ACTN4: variants seen among roughly 807,000 people sequenced by gnomAD.
The protein encoded by ACTN4 is actinin alpha 4.
Under a neutral mutation model 114.2 loss-of-function variants are expected in ACTN4, and 18 were observed. That is an observed-to-expected ratio of 0.16 (90% confidence interval 0.11 to 0.23). The LOEUF (loss-of-function observed/expected upper bound fraction) is 0.23, where lower values mean the gene tolerates loss of function less well. ACTN4 is among the 10% of genes least tolerant of loss of function. The pLI is 1.00. For missense variants in ACTN4, 722 were observed against 1,262.9 expected, an observed-to-expected ratio of 0.57 and a Z score of 6.49; for synonymous variants, 515 against 506.3, an observed-to-expected ratio of 1.02 and a Z score of -0.23.
chr19:38,648,122 G>T (rs998329897), intron 1 of ACTN4: 1 of 521,048 alleles, frequency 1.9e-6, no homozygotes, highest in Non-Finnish European at 3.2e-6. Context: ...TGGCGGCTGG[G>T]TGGGGAATAT....
At chr19:38,723,558 A>G in intron 12 of ACTN4, 56 bp from the exon 13 acceptor site, 1 of 1,348,850 alleles carries the variant, frequency 7.4e-7, no homozygotes, top group Non-Finnish European at 1.0e-6. Flanking sequence ...AGATGGGTCC[A>G]ATCCATCTAG....
chr19:38,724,092 GC>G lies in ACTN4; in HGVS notation c.1692+21del. The G allele has an allele frequency of 1.2e-6, 2 of 1,613,482 alleles. No individual in the cohort carries two copies. The highest frequency in any genetic ancestry group is 1.7e-6 in the Non-Finnish European group (2 of 1,179,976). On this transcript the variant is annotated intron_variant, in intron 14 of 20. Transcript: ENST00000252699. This position sits in a 1 kb window ranked among gnomAD's most constrained non-coding sequence, Gnocchi z 7.0. ...AGGAGATTGAGGTTCGCACCCCCCG[GC>G]CCCCCATCTTCCCAAGAGCCTCTGT...
intron 4 of ACTN4, 70 bp downstream of exon 4, chr19:38,705,090 A>G (rs1355484290): frequency 7.2e-7 from 1 of 1,383,776 alleles, no homozygotes; most frequent in Non-Finnish European, 1.0e-6. Context: ...CTGAAGTGTG[A>G]TCTTCATGCT....
rs954957025 is a variant in ACTN4, at chr19:38,729,937, C to T, written c.*505C>T. 6 of 336,444 alleles carry T rather than the reference C, an allele frequency of 1.8e-5. No individual in the cohort carries two copies. Among genetic ancestry groups the T allele is most frequent in the Non-Finnish European group, 3.5e-5 (6 of 171,542 alleles). The allele number at this position is 336,444 out of a possible 1,614,324, so 20.8% of individuals were successfully genotyped here. A position where few individuals can be genotyped will look rare whatever the true frequency, so the allele number is the denominator to read the frequency against. ...CCCTCTCCCCTCTCTGCTCCAGACT[C>T]ACTTGCCATTGCCAGGAGATGGCCC... On this transcript the variant is annotated 3_prime_UTR_variant, in exon 21 of 21. Coordinates refer to ENST00000252699, the MANE Select transcript of ACTN4 (RefSeq NM_004924.6).
intron 6 of ACTN4, 151 bp from the exon 7 acceptor site, chr19:38,709,244 C>G (rs998206058): frequency 2.8e-6 from 2 of 719,156 alleles, no homozygotes; most frequent in East Asian, 2.6e-5. Flanking sequence ...GGTGCCCTCC[C>G]GCTCACACAT....
chr19:38,707,660 G>A (rs1968506135), intron 5 of ACTN4, among the ~76,000 whole-genome samples: 1 of 152,164 alleles, frequency 6.6e-6, no homozygotes, highest in African/African-American at 2.4e-5. Flanking sequence ...CCGCCAGGGT[G>A]TGGAGGCCAC....
At chr19:38,653,237 A>G (rs1199866242) in intron 1 of ACTN4, among the ~76,000 whole-genome samples, 1 of 152,160 alleles carries the variant, frequency 6.6e-6, no homozygotes, top group East Asian at 1.9e-4. Flanking sequence ...AACTGAGTGT[A>G]GCACAAGTTA....
Position 38,678,103 on chromosome 19 carries a change from A to G in ACTN4, c.163-22497A>G, listed in dbSNP as rs1007638297. Among the ~76,000 whole-genome samples, 5 of 152,238 alleles carry G rather than the reference A, an allele frequency of 3.3e-5. No homozygotes were observed. In the South Asian group the frequency reaches 6.2e-4, roughly 19 times the overall value. On this transcript the variant is annotated intron_variant, in intron 1 of 20. Transcript: ENST00000252699. ...GAGAGGTGGGAAAATCATCGTTAGCACAGGATAATTCATCCTATTTTGTGC... is the reference window on the plus strand; with the variant it reads ...GAGAGGTGGGAAAATCATCGTTAGCGCAGGATAATTCATCCTATTTTGTGC...
intron 2 of ACTN4, 51 bp from the exon 3 acceptor site, chr19:38,700,951 C>CCTTTCTCT (rs1170481102): frequency 1.9e-6 from 3 of 1,606,360 alleles, no homozygotes; most frequent in Admixed American, 1.7e-5. Flanking sequence ...GCCCTCTCTC[C>CCTTTCTCT]CTTTCTCTCT....
chr19:38,673,475 T>TTA (rs555078817), intron 1 of ACTN4, among the ~76,000 whole-genome samples: 20 of 64,282 alleles, frequency 3.1e-4, no homozygotes, highest in South Asian at 9.7e-4. Context: ...TTATATATAT[T>TTA]TATATATATA....
chr19:38,726,912 A>G (rs1481251113), intron 17 of ACTN4, 45 bp from the exon 18 acceptor site: 8 of 1,611,794 alleles, frequency 5.0e-6, no homozygotes, highest in Non-Finnish European at 6.8e-6. Context: ...CGGTGAGGAC[A>G]GTTCACAGCA....
chr19:38,681,664 C>T (rs10408547), intron 1 of ACTN4, among the ~76,000 whole-genome samples: 2 of 152,120 alleles, frequency 1.3e-5, no homozygotes, highest in Admixed American at 1.3e-4. Flanking sequence ...CTCCCTGTAG[C>T]GACTGGCTCG....
At chr19:38,714,653 C>T (rs1398964326) in intron 9 of ACTN4, 92 bp downstream of exon 9, 10 of 1,330,708 alleles carry the variant, frequency 7.5e-6, no homozygotes, top group South Asian at 3.6e-5. Flanking sequence ...GGTGTGGCAG[C>T]GAGATGACCT....
chr19:38,650,426 C>A (rs1323522049), intron 1 of ACTN4, among the ~76,000 whole-genome samples: 1 of 152,194 alleles, frequency 6.6e-6, no homozygotes, highest in African/African-American at 2.4e-5. Flanking sequence ...TCTCTTACCT[C>A]CCAGCTCCCT....
At chr19:38,660,669 T>C (rs1976857916) in intron 1 of ACTN4, among the ~76,000 whole-genome samples, 1 of 152,224 alleles carries the variant, frequency 6.6e-6, no homozygotes, top group South Asian at 2.1e-4. Flanking sequence ...GTGCTGGGAT[T>C]ACAGGCGCGA....
At chr19:38,728,448 TCCC>T in intron 19 of ACTN4, 3 of 730,354 alleles carry the variant, frequency 4.1e-6, no homozygotes, top group Non-Finnish European at 5.2e-6. Context: ...CTCCTCCTCC[TCCC>T]CCCCACCTCT....
chr19:38,679,620 C>T (rs995815095), intron 1 of ACTN4, among the ~76,000 whole-genome samples: 4 of 140,580 alleles, frequency 2.8e-5, no homozygotes, highest in Admixed American at 1.5e-4. Context: ...GAGACAGGGT[C>T]TCGCCCTGTC....
chr19:38,725,245 C>T (rs746548425), intron 16 of ACTN4, among the ~76,000 whole-genome samples: 1 of 152,136 alleles, frequency 6.6e-6, no homozygotes. Context: ...AGAGGGGGTC[C>T]GGGTGCCAGG....
intron 1 of ACTN4, among the ~76,000 whole-genome samples, chr19:38,652,009 CA>C (rs1311815341): frequency 6.6e-6 from 1 of 152,194 alleles, no homozygotes; most frequent in Admixed American, 6.5e-5. Context: ...GCTGGGATTA[CA>C]GGCGTGAGCC....
Sources: gnomAD v4.1 joint callset for allele counts (sites outside exome capture counted in the v4.1 genomes callset) on GRCh38, gnomAD v4.1.1 for gene constraint, Gnocchi (gnomAD v3.1) non-coding constraint, MANE v1.5 for transcripts, NCBI Gene and HGNC (gene_info 2026-07-23, HGNC 2026-07-21) for gene names.